Variants in SS18 observed in about 807,000 individuals in gnomAD.
The protein encoded by SS18 is SS18 subunit of BAF chromatin remodeling complex, also known as protein SSXT.
SS18 carries 28 observed loss-of-function variants against 72.5 expected under a neutral mutation model. The observed-to-expected ratio is 0.39, with a 90% confidence interval of 0.29 to 0.53. SS18 has a LOEUF of 0.53. SS18 is among the 20% of genes least tolerant of loss of function. The pLI is 0.76. For missense variants in SS18, 518 were observed against 535.3 expected, an observed-to-expected ratio of 0.97 and a Z score of 0.32; for synonymous variants, 172 against 164.2, an observed-to-expected ratio of 1.05 and a Z score of -0.37.
chr18:26,054,523 T>C (rs1223454152), intron 4 of SS18, among the ~76,000 whole-genome samples: 1 of 152,006 alleles, frequency 6.6e-6, no homozygotes, highest in Non-Finnish European at 1.5e-5. Context: ...ATCCTAAATG[T>C]TCGAATAAAT....
At chr18:26,078,801 T>C (rs2054465746) in intron 2 of SS18, among the ~76,000 whole-genome samples, 1 of 152,152 alleles carries the variant, frequency 6.6e-6, no homozygotes, top group Non-Finnish European at 1.5e-5. Flanking sequence ...GCAGGACAAC[T>C]GCCTGAACCC....
intron 3 of SS18, among the ~76,000 whole-genome samples, chr18:26,072,818 A>AAC (rs2054339021): frequency 1.3e-5 from 2 of 150,890 alleles, no homozygotes; most frequent in African/African-American, 4.9e-5. Flanking sequence ...AAAAAAAAAA[A>AAC]AAAACCTTAA....
chr18:26,087,265 G>C (rs918075956), intron 2 of SS18, among the ~76,000 whole-genome samples: 1 of 152,110 alleles, frequency 6.6e-6, no homozygotes, highest in African/African-American at 2.4e-5. Flanking sequence ...AGGGGTGGGG[G>C]ATAGTGACTG....
upstream of SS18, chr18:26,090,805 T>G (rs2054714657): frequency 1.7e-6 from 1 of 580,502 alleles, no homozygotes; most frequent in Non-Finnish European, 3.1e-6. Flanking sequence ...TGACCGTCCC[T>G]GCATCCCCCG....
At chr18:26,030,480 C>T (rs1329806842) in intron 10 of SS18, among the ~76,000 whole-genome samples, 1 of 152,172 alleles carries the variant, frequency 6.6e-6, no homozygotes, top group Non-Finnish European at 1.5e-5. Flanking sequence ...TGTATGCCAT[C>T]TACACTTAAG....
chr18:26,090,255 G>A (rs2054698171), intron 1 of SS18: 2 of 529,662 alleles, frequency 3.8e-6, no homozygotes, highest in South Asian at 2.4e-5. Context: ...ATCAGGCGGC[G>A]GCTGTTTGGG....
chr18:26,062,312 T>C (rs1460492500), intron 3 of SS18, among the ~76,000 whole-genome samples: 1 of 152,194 alleles, frequency 6.6e-6, no homozygotes, highest in African/African-American at 2.4e-5. Context: ...AAGGTTCTTG[T>C]ATTTTTCAAC....
Position 26,035,090 on chromosome 18 carries a change from C to G in SS18, c.1011G>C (p.Gln337His). The G allele has an allele frequency of 6.2e-7, 1 of 1,613,432 alleles. No homozygotes were observed. The highest frequency in any genetic ancestry group is 8.5e-7 in the Non-Finnish European group (1 of 1,179,646). ...GATATCCCTGTTGTGGAGGTGGTCC[C>G]TGGTATGCATCTTGCTGTTGGCCAT... ...SQYGQQQDAYQGPPPQQGYPP... is the reference protein window; with the variant it reads ...SQYGQQQDAYHGPPPQQGYPP... Residue 337 changes from glutamine to histidine, a missense_variant, in exon 9 of 11, where the codon CAG becomes CAC. Physicochemically the swap from Gln to His is conservative, Grantham distance 24. Coordinates refer to ENST00000415083, the MANE Select transcript of SS18 (RefSeq NM_001007559.3). The surrounding 1 kb of genome is among the most constrained non-coding windows in gnomAD (Gnocchi z 4.4).
chr18:26,090,444 G>A (rs2054702887), intron 1 of SS18, 57 bp downstream of exon 1: 1 of 1,514,324 alleles, frequency 6.6e-7, no homozygotes, highest in Non-Finnish European at 9.0e-7. Flanking sequence ...TTCCCCCCGC[G>A]TCTGTCTCTC....
chr18:26,090,888 A>C, upstream of SS18: 2 of 385,112 alleles, frequency 5.2e-6, no homozygotes. Flanking sequence ...CCTCCGCTTC[A>C]GCGATTCAGG....
chr18:26,073,394 A>G (rs1364973298), intron 3 of SS18, among the ~76,000 whole-genome samples: 2 of 152,220 alleles, frequency 1.3e-5, no homozygotes, highest in Non-Finnish European at 2.9e-5. Context: ...TCAGAAGAAC[A>G]GAAAAAAATA....
At chr18:26,021,618 G>A (rs1162210155) in intron 10 of SS18, among the ~76,000 whole-genome samples, 3 of 152,162 alleles carry the variant, frequency 2.0e-5, no homozygotes, top group African/African-American at 7.2e-5. Context: ...GAAGACAGGA[G>A]ATGAACATGG....
In SS18 at chr18:26,016,798, T is replaced by A. The variant is rs1374630379; in HGVS notation, c.*1556A>T. On this transcript the variant is annotated 3_prime_UTR_variant, in exon 11 of 11. Coordinates refer to ENST00000415083, the MANE Select transcript of SS18 (RefSeq NM_001007559.3). ...CCTTGAAACACACAAACACACACTCTCTCTCTCATACACACACAGAGACCC... is the reference window on the plus strand; with the variant it reads ...CCTTGAAACACACAAACACACACTCACTCTCTCATACACACACAGAGACCC... 5 of 231,392 alleles carry A rather than the reference T, an allele frequency of 2.2e-5. No homozygotes were observed. Among genetic ancestry groups the A allele is most frequent in the Non-Finnish European group, 4.3e-5 (5 of 116,782 alleles). 14.3% of individuals were successfully genotyped at this position (231,392 alleles called of 1,614,324 possible).
At chr18:26,044,936 G>A (rs571127642) in intron 5 of SS18, among the ~76,000 whole-genome samples, 1 of 152,310 alleles carries the variant, frequency 6.6e-6, no homozygotes, top group South Asian at 2.1e-4. Context: ...ACATCTGTGA[G>A]AGGAACACAA....
At chr18:26,020,152 T>A (rs1276281472) in intron 10 of SS18, among the ~76,000 whole-genome samples, 1 of 152,220 alleles carries the variant, frequency 6.6e-6, no homozygotes, top group African/African-American at 2.4e-5. Context: ...AAATACTAAA[T>A]CTGAGTTTAA....
chr18:26,050,106 G>A (rs2053895005), intron 5 of SS18, among the ~76,000 whole-genome samples: 1 of 152,052 alleles, frequency 6.6e-6, no homozygotes, highest in South Asian at 2.1e-4. Flanking sequence ...GTGATGGCAG[G>A]CACCTGTCAT....
chr18:26,029,357 T>C (rs2053504948), intron 10 of SS18, among the ~76,000 whole-genome samples: 1 of 152,188 alleles, frequency 6.6e-6, no homozygotes, highest in African/African-American at 2.4e-5. Flanking sequence ...AAAACATTAC[T>C]CTGGGTCCCA....
intron 10 of SS18, among the ~76,000 whole-genome samples, chr18:26,031,138 G>A (rs537499854): frequency 8.8e-4 from 134 of 152,262 alleles, no homozygotes; most frequent in African/African-American, 3.1e-3. Flanking sequence ...ATCTGCTCAG[G>A]AATCCTGCCT....
chr18:26,020,034 T>C (rs2053320907), intron 10 of SS18, among the ~76,000 whole-genome samples: 1 of 152,140 alleles, frequency 6.6e-6, no homozygotes, highest in Admixed American at 6.6e-5. Context: ...GGGTTCACTA[T>C]ATTACTCTCT....
Sources: allele counts gnomAD v4.1 joint callset (sites outside exome capture counted in the v4.1 genomes callset), GRCh38; gene constraint gnomAD v4.1.1; non-coding constraint Gnocchi (gnomAD v3.1); transcripts MANE v1.5; gene names NCBI Gene and HGNC (gene_info 2026-07-23, HGNC 2026-07-21).